CEP63: variants seen among roughly 807,000 people sequenced by gnomAD.
The protein encoded by CEP63 is centrosomal protein of 63 kDa.
CEP63 carries 84 observed loss-of-function variants against 89.1 expected under a neutral mutation model. The observed-to-expected ratio is 0.94, with a 90% CI of 0.79 to 1.13. The LOEUF is 1.13. CEP63 is among the 50% of genes most tolerant of loss of function. The pLI is 0.00. For missense variants in CEP63, 838 were observed against 813.3 expected (o/e 1.03, Z -0.37); for synonymous variants, 267 against 272.5 (o/e 0.98, Z 0.20).
chr3:134,621,298 C>G, the CEP63 span, among the ~76,000 whole-genome samples: 1 of 152,150 alleles, frequency 6.6e-6, no homozygotes, highest in African/African-American at 2.4e-5. Flanking sequence ...TTGAAGGACA[C>G]AAGTTCCCCA....
At chr3:134,704,307 C>T in the CEP63 span, among the ~76,000 whole-genome samples, 1 of 152,166 alleles carries the variant, frequency 6.6e-6, no homozygotes, top group African/African-American at 2.4e-5. Context: ...CTTCTCTTTC[C>T]AGTCTGTGAG....
At chr3:134,734,118 A>T in the CEP63 span, among the ~76,000 whole-genome samples, 2 of 152,160 alleles carry the variant, frequency 1.3e-5, no homozygotes, top group African/African-American at 4.8e-5. Flanking sequence ...CAGCAATCAC[A>T]CTCCAGGAAA....
At chr3:134,746,905 T>C in the CEP63 span, among the ~76,000 whole-genome samples, 40 of 152,354 alleles carry the variant, frequency 2.6e-4, no homozygotes, top group Admixed American at 1.5e-3. Context: ...CAGTTTCTTT[T>C]GCTGTGCAGA....
chr3:134,680,163 C>T, the CEP63 span, among the ~76,000 whole-genome samples: 22 of 152,328 alleles, frequency 1.4e-4, no homozygotes, highest in African/African-American at 4.1e-4. Context: ...ACCCCACCAA[C>T]GTCTTGATCT....
intron 5 of CEP63, chr3:134,536,766 T>G: frequency 3.4e-6 from 1 of 297,796 alleles, no homozygotes; most frequent in South Asian, 3.2e-5. Context: ...TATCAAGAAT[T>G]TGGATAGCGA....
At chr3:134,728,986 GACAC>G in the CEP63 span, among the ~76,000 whole-genome samples, 1 of 151,942 alleles carries the variant, frequency 6.6e-6, no homozygotes, top group African/African-American at 2.4e-5. Flanking sequence ...ACTACACACA[GACAC>G]ACAAACACAC....
At chr3:134,756,528 AT>A in the CEP63 span, among the ~76,000 whole-genome samples, 4 of 151,776 alleles carry the variant, frequency 2.6e-5, no homozygotes, top group South Asian at 4.2e-4. Context: ...TAGTTTTTGT[AT>A]TTTTTTTAGA....
chr3:134,549,170 T>TACA lies in CEP63; in HGVS notation c.1177_1178insCAA (p.Ile392_Lys393insThr). 1 of 1,599,798 alleles carries TACA rather than the reference T, an allele frequency of 6.3e-7. No homozygotes were observed. The highest frequency in any genetic ancestry group is 8.6e-7 in the Non-Finnish European group (1 of 1,167,184). Reference sequence around the variant, plus strand: ...ATAACAATGAATACAAAGCAGAGATTAAGAAGGTAAAAATCTGCATACCTA... The same window carrying TACA: ...ATAACAATGAATACAAAGCAGAGATTACAAAGAAGGTAAAAATCTGCATACCTA... On this transcript the variant is annotated inframe_insertion, in exon 10 of 15. Coordinates refer to ENST00000675561, the MANE Select transcript of CEP63 (RefSeq NM_001353108.3).
chr3:134,769,192 C>T, the CEP63 span, among the ~76,000 whole-genome samples: 2 of 152,152 alleles, frequency 1.3e-5, no homozygotes, highest in Non-Finnish European at 2.9e-5. Context: ...GGTACTGAGC[C>T]ATTCGGTGAT....
the CEP63 span, among the ~76,000 whole-genome samples, chr3:134,691,996 C>A: frequency 6.6e-6 from 1 of 152,218 alleles, no homozygotes; most frequent in Non-Finnish European, 1.5e-5. Context: ...AGGCGTGAGC[C>A]ACCATGCCCA....
chr3:134,547,620 T>TTTTTTTTTTTTTTTTTTTTTC, intron 9 of CEP63, 148 bp downstream of exon 9: 1 of 493,150 alleles, frequency 2.0e-6, no homozygotes, highest in Non-Finnish European at 3.5e-6. Context: ...ATTTCTTTTT[T>TTTTTTTTTTTTTTTTTTTTTC]TTTTTTTTTG....
intron 11 of CEP63, among the ~76,000 whole-genome samples, chr3:134,550,834 C>T (rs1954662814): frequency 6.6e-6 from 1 of 152,110 alleles, no homozygotes; most frequent in African/African-American, 2.4e-5. Context: ...GGAGACAGAG[C>T]ACCCAGATGC....
the CEP63 span, among the ~76,000 whole-genome samples, chr3:134,669,135 C>T: frequency 6.6e-6 from 1 of 152,246 alleles, no homozygotes; most frequent in African/African-American, 2.4e-5. Context: ...AAACAATCAT[C>T]TCACCTCAGC....
At chr3:134,776,775 T>C in the CEP63 span, among the ~76,000 whole-genome samples, 4 of 152,182 alleles carry the variant, frequency 2.6e-5, no homozygotes, top group African/African-American at 9.7e-5. Context: ...AGCCAGGCAG[T>C]TTCTGATGCT....
At chr3:134,739,209 T>C in the CEP63 span, among the ~76,000 whole-genome samples, 1 of 152,338 alleles carries the variant, frequency 6.6e-6, no homozygotes, top group Admixed American at 6.5e-5. Context: ...GCAGTATTAT[T>C]GATAGTGGCC....
chr3:134,643,089 G>A, the CEP63 span, among the ~76,000 whole-genome samples: 11 of 152,168 alleles, frequency 7.2e-5, no homozygotes, highest in African/African-American at 2.7e-4. Flanking sequence ...TGAGGCCCAT[G>A]GGCTTTATTT....
the CEP63 span, among the ~76,000 whole-genome samples, chr3:134,593,596 G>A: frequency 6.6e-6 from 1 of 152,134 alleles, no homozygotes; most frequent in Admixed American, 6.5e-5. Flanking sequence ...CCAACGCTGA[G>A]GAGGAGGAGG....
chr3:134,566,517 A>G (rs1190604433), downstream of CEP63, among the ~76,000 whole-genome samples: 2 of 152,142 alleles, frequency 1.3e-5, no homozygotes, highest in African/African-American at 2.4e-5. Context: ...AAATTGGAGG[A>G]GTCCAACCTC....
At chr3:134,707,424 C>G in the CEP63 span, among the ~76,000 whole-genome samples, 6 of 152,194 alleles carry the variant, frequency 3.9e-5, no homozygotes, top group Non-Finnish European at 5.9e-5. Context: ...ACAATCCTAA[C>G]TGAATGGATA....
Sources: gnomAD v4.1 joint callset for allele counts (sites outside exome capture counted in the v4.1 genomes callset) on GRCh38, gnomAD v4.1.1 for gene constraint, MANE v1.5 for transcripts, NCBI Gene and HGNC (gene_info 2026-07-23, HGNC 2026-07-21) for gene names.